The following TAF3 variants were observed in gnomAD, a reference collection of about 807,000 sequenced individuals.
The protein encoded by TAF3 is transcription initiation factor TFIID subunit 3.
TAF3 carries 7 observed loss-of-function variants against 80.6 expected under a neutral mutation model. That is an observed-to-expected ratio of 0.09 (90% confidence interval 0.05 to 0.16). TAF3 has a LOEUF of 0.16. TAF3 is among the 10% of genes least tolerant of loss of function. TAF3 has a pLI of 1.00. For synonymous variants in TAF3, 444 were observed against 446.1 expected, an observed-to-expected ratio of 1.00 and a Z score of 0.06; for missense variants, 921 against 1,140.2, an observed-to-expected ratio of 0.81 and a Z score of 2.77.
intron 2 of TAF3, among the ~76,000 whole-genome samples, chr10:7,923,153 A>G (rs1348892469): frequency 6.6e-6 from 1 of 152,050 alleles, no homozygotes; most frequent in Non-Finnish European, 1.5e-5. Flanking sequence ...CAATAGCAAA[A>G]CCATGCATGT....
chr10:7,920,977 A>G (rs1468252830), intron 2 of TAF3, among the ~76,000 whole-genome samples: 1 of 152,220 alleles, frequency 6.6e-6, no homozygotes, highest in Admixed American at 6.5e-5. Context: ...GGGTTGGGCC[A>G]GCCAATCTGG....
chr10:7,862,552 T>C (rs189644535), intron 2 of TAF3, among the ~76,000 whole-genome samples: 2 of 152,368 alleles, frequency 1.3e-5, no homozygotes, highest in African/African-American at 4.8e-5. Flanking sequence ...AAACTGTACA[T>C]GTTTATAACA....
intron 2 of TAF3, among the ~76,000 whole-genome samples, chr10:7,850,894 CTTA>C (rs1296874293): frequency 2.6e-5 from 4 of 152,056 alleles, no homozygotes; most frequent in East Asian, 3.9e-4. Context: ...TGTTATGGTA[CTTA>C]TTATTCATTT....
At chr10:7,867,089 T>C (rs1232164107) in intron 2 of TAF3, among the ~76,000 whole-genome samples, 2 of 152,022 alleles carry the variant, frequency 1.3e-5, no homozygotes, top group African/African-American at 4.8e-5. Flanking sequence ...CGAAACCCCA[T>C]CTGCACTAAA....
intron 2 of TAF3, among the ~76,000 whole-genome samples, chr10:7,825,768 C>T: frequency 6.6e-6 from 1 of 152,176 alleles, no homozygotes; most frequent in East Asian, 1.9e-4. Context: ...GTTGTTTCAA[C>T]CTTTTGGCTC....
chr10:7,890,843 C>T (rs374648148), intron 2 of TAF3, among the ~76,000 whole-genome samples: 3 of 152,180 alleles, frequency 2.0e-5, no homozygotes, highest in Non-Finnish European at 2.9e-5. Flanking sequence ...CCAAAGCTTT[C>T]GATTTAGGTT....
intron 2 of TAF3, among the ~76,000 whole-genome samples, chr10:7,883,034 G>A (rs1837376536): frequency 6.6e-6 from 1 of 152,132 alleles, no homozygotes; most frequent in African/African-American, 2.4e-5. Context: ...CTTCTCATAT[G>A]TAACAGAACA....
rs192869554 is a variant in TAF3, at chr10:7,963,773, T to G, written c.410-147T>G. ...TGTATACCTGTGTAACAAACCTGCA[T>G]GTTGTGCCCATGTACCCTAGAACTT... On this transcript the variant is annotated intron_variant, in intron 2 of 6. Transcript: ENST00000344293. 13 of 766,838 alleles carry G rather than the reference T, an allele frequency of 1.7e-5. No homozygotes were observed. The African/African-American group carries it at 2.1e-4, about 12-fold the overall frequency. 47.5% of individuals were successfully genotyped at this position (766,838 alleles called of 1,614,324 possible).
At chr10:7,857,038 C>T (rs943954831) in intron 2 of TAF3, among the ~76,000 whole-genome samples, 13 of 152,134 alleles carry the variant, frequency 8.5e-5, no homozygotes, top group African/African-American at 2.9e-4. Flanking sequence ...CTTTCATGTC[C>T]GTAAGCAAAC....
intron 2 of TAF3, among the ~76,000 whole-genome samples, chr10:7,846,695 T>G (rs761829307): frequency 1.1e-4 from 17 of 152,164 alleles, no homozygotes; most frequent in Admixed American, 4.6e-4. Context: ...CCACTGGACC[T>G]CCTATAAAGC....
At position 7,964,731 on chromosome 10, in the gene TAF3, C is replaced by T. The variant is rs778879008; in HGVS notation, c.1221C>T (p.Phe407=). Reference sequence around the variant, plus strand: ...GTGCTGAGCGAGAGCCAGATCCTTTCGAATTTTCTTCTGGATCGGAATCTG... The same window carrying T: ...GTGCTGAGCGAGAGCCAGATCCTTTTGAATTTTCTTCTGGATCGGAATCTG... ...RACAEREPDP[F]EFSSGSESEG... Residue 407 remains phenylalanine, a synonymous_variant, in exon 3 of 7, where the codon TTC becomes TTT. Transcript: ENST00000344293. The surrounding 1 kb of genome is among the most constrained non-coding windows in gnomAD (Gnocchi z 4.1). The T allele has an allele frequency of 2.5e-6, 4 of 1,614,146 alleles. No homozygotes were observed. Among genetic ancestry groups the T allele is most frequent in the Admixed American group, 1.7e-5 (1 of 60,026 alleles).
intron 2 of TAF3, among the ~76,000 whole-genome samples, chr10:7,888,214 A>G (rs947124425): frequency 1.3e-5 from 2 of 152,134 alleles, no homozygotes; most frequent in African/African-American, 4.8e-5. Flanking sequence ...TTGTTTTACA[A>G]CCAAGCCTCC....
intron 2 of TAF3, among the ~76,000 whole-genome samples, chr10:7,854,656 T>TG (rs375461131): frequency 0.046 from 771 of 16,802 alleles, 10 homozygotes; most frequent in African/African-American, 0.14. Context: ...AGCCCTCTAA[T>TG]GGGGGGGCGG....
chr10:7,826,061 T>A (rs1836737643), intron 2 of TAF3, among the ~76,000 whole-genome samples: 1 of 152,204 alleles, frequency 6.6e-6, no homozygotes, highest in East Asian at 1.9e-4. Flanking sequence ...TCAGGAAGTA[T>A]GTTTAAATTT....
At chr10:7,993,096 C>A (rs960545955) in intron 4 of TAF3, among the ~76,000 whole-genome samples, 3 of 152,164 alleles carry the variant, frequency 2.0e-5, no homozygotes, top group African/African-American at 7.2e-5. Context: ...AACAGTTTAA[C>A]CAGGATCCAA....
chr10:7,846,341 G>C (rs1235264914), intron 2 of TAF3, among the ~76,000 whole-genome samples: 1 of 152,156 alleles, frequency 6.6e-6, no homozygotes, highest in Non-Finnish European at 1.5e-5. Context: ...TGGTAATATA[G>C]AATACCCATT....
intron 2 of TAF3, among the ~76,000 whole-genome samples, chr10:7,860,781 TTTC>T: frequency 1.0e-5 from 1 of 96,470 alleles, no homozygotes; most frequent in East Asian, 2.2e-4. Context: ...ACAGGAGCCT[TTTC>T]TTTCTTTCTT....
chr10:7,911,077 A>G (rs566527634), intron 2 of TAF3, among the ~76,000 whole-genome samples: 2 of 152,314 alleles, frequency 1.3e-5, no homozygotes, highest in African/African-American at 2.4e-5. Flanking sequence ...CTTTAATTAT[A>G]TGATTTTTGA....
rs142540070 is a variant in TAF3, at chr10:7,876,675, A to G, written c.409+52115A>G. On this transcript the variant is annotated intron_variant, in intron 2 of 6. Coordinates refer to ENST00000344293, the MANE Select transcript of TAF3 (RefSeq NM_031923.4). ...GTTTACTCAGCTTACTTGAAAATACAGCTATATTGTCCTAAAAGTCAGGAA... is the reference window on the plus strand; with the variant it reads ...GTTTACTCAGCTTACTTGAAAATACGGCTATATTGTCCTAAAAGTCAGGAA... 3.8e-3 allele frequency among the ~76,000 whole-genome samples: 574 copies of G among 152,326 alleles called. 4 individuals carry two copies. Among genetic ancestry groups the G allele is most frequent in the South Asian group, 0.02 (95 of 4,832 alleles).
Sources: allele counts gnomAD v4.1 joint callset (sites outside exome capture counted in the v4.1 genomes callset), GRCh38; gene constraint gnomAD v4.1.1; non-coding constraint Gnocchi (gnomAD v3.1); transcripts MANE v1.5; gene names NCBI Gene and HGNC (gene_info 2026-07-23, HGNC 2026-07-21).